Variants in DAPP1 observed in about 807,000 individuals in gnomAD.
The protein encoded by DAPP1 is dual adaptor of phosphotyrosine and 3-phosphoinositides 1.
Under a neutral mutation model 41.5 loss-of-function variants are expected in DAPP1, and 20 were observed. The observed-to-expected ratio is 0.48, with a 90% CI of 0.34 to 0.70. The LOEUF (loss-of-function observed/expected upper bound fraction) is 0.70, where lower values mean the gene tolerates loss of function less well. Ranked by LOEUF, DAPP1 falls within the 30% of genes least tolerant of loss-of-function variation. The probability of loss-of-function intolerance (pLI) is 0.01; values close to 1 mark genes in which losing one functional copy is unlikely to be tolerated. For synonymous variants in DAPP1, 113 were observed against 116.2 expected (o/e 0.97, Z 0.18); for missense variants, 233 against 333.4 (o/e 0.70, Z 2.35).
intron 5 of DAPP1, among the ~76,000 whole-genome samples, chr4:99,861,927 C>G (rs1333553405): frequency 6.6e-6 from 1 of 152,132 alleles, no homozygotes; most frequent in Non-Finnish European, 1.5e-5. Flanking sequence ...TCTAGAACAT[C>G]TTTCGTTCTT....
chr4:99,866,183 C>T (rs908759472), intron 8 of DAPP1, 62 bp downstream of exon 8: 10 of 915,092 alleles, frequency 1.1e-5, no homozygotes, highest in Admixed American at 9.5e-5. Context: ...TGATTTCAAA[C>T]ATATTTCTAT....
chr4:99,825,918 T>C (rs993526026), intron 1 of DAPP1, among the ~76,000 whole-genome samples: 1 of 152,198 alleles, frequency 6.6e-6, no homozygotes, highest in Non-Finnish European at 1.5e-5. Flanking sequence ...TGGTAGCTCT[T>C]GAGTTACATA....
chr4:99,832,866 T>C (rs1477886867), intron 1 of DAPP1, among the ~76,000 whole-genome samples: 2 of 152,124 alleles, frequency 1.3e-5, no homozygotes, highest in Non-Finnish European at 2.9e-5. Context: ...AATCAAATAT[T>C]GCTTTACATA....
At chr4:99,860,580 G>T (rs1724204230) in intron 4 of DAPP1, among the ~76,000 whole-genome samples, 1 of 152,164 alleles carries the variant, frequency 6.6e-6, no homozygotes, top group Admixed American at 6.5e-5. Context: ...TTTAAAAGAA[G>T]TGTTTGCTTA....
At chr4:99,849,753 T>C (rs915014749) in intron 3 of DAPP1, among the ~76,000 whole-genome samples, 1 of 152,184 alleles carries the variant, frequency 6.6e-6, no homozygotes, top group Non-Finnish European at 1.5e-5. Context: ...GCTGATCAAA[T>C]AACTTTGGGG....
intron 3 of DAPP1, among the ~76,000 whole-genome samples, chr4:99,846,034 A>G (rs1723654345): frequency 6.6e-6 from 1 of 152,164 alleles, no homozygotes; most frequent in African/African-American, 2.4e-5. Context: ...TTGGGCCTGT[A>G]TGCTTAGTTA....
intron 1 of DAPP1, among the ~76,000 whole-genome samples, chr4:99,832,418 T>A (rs1423857831): frequency 6.6e-6 from 1 of 152,192 alleles, no homozygotes; most frequent in Non-Finnish European, 1.5e-5. Flanking sequence ...TTAACTCAAT[T>A]AAAAGGGGAA....
chr4:99,864,408 C>T (rs566423523), intron 7 of DAPP1: 2 of 152,154 alleles, frequency 1.3e-5, no homozygotes, highest in South Asian at 4.1e-4. Flanking sequence ...TTTGCTTTAT[C>T]CTAGTCTATC....
intron 4 of DAPP1, among the ~76,000 whole-genome samples, chr4:99,856,193 C>A (rs1165585541): frequency 6.6e-6 from 1 of 152,092 alleles, no homozygotes; most frequent in African/African-American, 2.4e-5. Context: ...CCTCACTGAG[C>A]TCACATTCTA....
chr4:99,844,130 C>A (rs1282629474), intron 3 of DAPP1: 1 of 151,998 alleles, frequency 6.6e-6, no homozygotes, highest in Non-Finnish European at 1.5e-5. Flanking sequence ...GGCTCGCAGA[C>A]GGTTTGAAGG....
chr4:99,866,938 T>C (rs1438837227), intron 8 of DAPP1, among the ~76,000 whole-genome samples: 1 of 151,868 alleles, frequency 6.6e-6, no homozygotes, highest in Non-Finnish European at 1.5e-5. Flanking sequence ...CCTGGTTAAT[T>C]TTTGTATTTT....
chr4:99,840,215 ATC>A (rs1723449466), intron 2 of DAPP1, 72 bp from the exon 3 acceptor site: 2 of 1,080,606 alleles, frequency 1.9e-6, no homozygotes, highest in Non-Finnish European at 2.6e-6. Context: ...TGATGCTAAC[ATC>A]TGAGATCATA....
Position 99,861,598 on chromosome 4 carries a change from C to T in DAPP1, c.510C>T (p.Tyr170=). 1.3e-6 allele frequency: 2 copies of T among 1,573,974 alleles called. No individual in the cohort carries two copies. Among genetic ancestry groups the T allele is most frequent in the Non-Finnish European group, 1.7e-6 (2 of 1,158,606 alleles). Residue 170 remains tyrosine (Y), a synonymous_variant, in exon 5 of 9, where the codon TAC becomes TAT. Transcript: ENST00000512369. ...TTCAGCTGGGCACCAAAGAAGGTTACCTCACCAAACAGGGAGGCCTGGTCA... is the reference window on the plus strand; with the variant it reads ...TTCAGCTGGGCACCAAAGAAGGTTATCTCACCAAACAGGGAGGCCTGGTCA... ...TAPSLGTKEG[Y]LTKQGGLVKT... is the part of the protein sequence containing the mutation.
At chr4:99,836,859 G>T (rs1438198234) in intron 2 of DAPP1, among the ~76,000 whole-genome samples, 3 of 152,202 alleles carry the variant, frequency 2.0e-5, no homozygotes. Flanking sequence ...TGAAATAAAG[G>T]TGTTGGAGAA....
intron 4 of DAPP1, among the ~76,000 whole-genome samples, chr4:99,858,088 C>T (rs1356889925): frequency 1.3e-5 from 2 of 152,180 alleles, no homozygotes; most frequent in African/African-American, 4.8e-5. Flanking sequence ...CAGATAGAGC[C>T]TTCCAAACTA....
At chr4:99,866,766 A>ATTTTTTTTTTTTTT (rs11315402) in intron 8 of DAPP1, 8 of 343,154 alleles carry the variant, frequency 2.3e-5, no homozygotes, top group African/African-American at 6.0e-5. Flanking sequence ...CTTTTTTTCT[A>ATTTTTTTTTTTTTT]TTTTTTTTTT....
Position 99,818,224 on chromosome 4 carries a change from A to G in DAPP1, c.101+1210A>G, listed in dbSNP as rs112975054. On this transcript the variant is annotated intron_variant, in intron 1 of 8. Transcript: ENST00000512369. ...AGAAAACTCCCCTTATTAGGAAGCC[A>G]GAGCTCTAGAATCTCTCTATCCCTC... 9.2e-3 allele frequency among the ~76,000 whole-genome samples: 1,400 copies of G among 152,312 alleles called. 14 individuals are homozygous for G. Among genetic ancestry groups the G allele is most frequent in the African/African-American group, 0.032 (1,333 of 41,556 alleles).
intron 3 of DAPP1, among the ~76,000 whole-genome samples, chr4:99,852,526 T>C (rs1190280161): frequency 6.6e-6 from 1 of 152,192 alleles, no homozygotes; most frequent in Admixed American, 6.5e-5. Flanking sequence ...GCCCTTTTTC[T>C]GCCTGGAGGC....
rs1176023192 is a variant in DAPP1 at position 99,863,109 on chromosome 4, C to A, written c.600+37C>A. 17 of 1,382,854 alleles carry A rather than the reference C, an allele frequency of 1.2e-5. 1 individual carries two copies. In the Admixed American group the frequency reaches 3.5e-4, roughly 28 times the overall value. 85.7% of individuals were successfully genotyped at this position (1,382,854 alleles called of 1,614,324 possible). A position where few individuals can be genotyped will look rare whatever the true frequency, so the allele number is the denominator to read the frequency against. ...GATAATATATTTTTCCTTTAAAAAT[C>A]AATTCTCTAGATGAAAGAAACTTAG... On this transcript the variant is annotated intron_variant, in intron 6 of 8. Transcript: ENST00000512369.
Sources: gnomAD v4.1 joint callset for allele counts (sites outside exome capture counted in the v4.1 genomes callset) on GRCh38, gnomAD v4.1.1 for gene constraint, MANE v1.5 for transcripts, NCBI Gene and HGNC (gene_info 2026-07-23, HGNC 2026-07-21) for gene names.